TASOR: variants seen among roughly 807,000 people sequenced by gnomAD.
The protein encoded by TASOR is protein TASOR.
Under a neutral mutation model 178.6 loss-of-function variants are expected in TASOR, and 53 were observed. That is an observed-to-expected ratio of 0.30 (90% CI 0.24 to 0.37). The LOEUF is 0.37. Among genes scored for constraint, TASOR ranks in the 10% least tolerant of loss-of-function variants. TASOR has a pLI of 1.00. For missense variants in TASOR, 1,815 were observed against 1,971.4 expected, an observed-to-expected ratio of 0.92 and a Z score of 1.50; for synonymous variants, 713 against 696.2, an observed-to-expected ratio of 1.02 and a Z score of -0.38.
chr3:56,680,748 T>C (rs1388063446), intron 1 of TASOR, among the ~76,000 whole-genome samples: 1 of 152,112 alleles, frequency 6.6e-6, no homozygotes, highest in African/African-American at 2.4e-5. Flanking sequence ...TATAAATAAT[T>C]ACACAAGTTA....
At chr3:56,681,399 A>G (rs2031771892) in intron 1 of TASOR, among the ~76,000 whole-genome samples, 1 of 152,336 alleles carries the variant, frequency 6.6e-6, no homozygotes, top group Non-Finnish European at 1.5e-5. Context: ...ATTTCTAGAA[A>G]CATTCCTCAT....
rs766651253 is a variant in TASOR, at chr3:56,663,527, C to CATAA, written c.1054+10_1054+13dup. Reference sequence around the variant, plus strand: ...CTTTCCATTTATAAAACTAAAGAAACATAAATCTCTTACCTATGTTTCTAT... The same window carrying CATAA: ...CTTTCCATTTATAAAACTAAAGAAACATAAATAAATCTCTTACCTATGTTTCTAT... On this transcript the variant is annotated intron_variant, in intron 8 of 23. Transcript: ENST00000683822. The CATAA allele has an allele frequency of 9.0e-7, 1 of 1,105,912 alleles. No individual in the cohort carries two copies. The highest frequency in any genetic ancestry group is 1.6e-5 in the South Asian group (1 of 63,420). The allele number at this position is 1,105,912 out of a possible 1,614,324, so 68.5% of individuals were successfully genotyped here. A position where few individuals can be genotyped will look rare whatever the true frequency, so the allele number is the denominator to read the frequency against.
Position 56,660,834 on chromosome 3 carries a change from A to T in TASOR, c.1265T>A (p.Val422Asp). The T allele has an allele frequency of 6.2e-7, 1 of 1,613,294 alleles. No homozygotes were observed. Among genetic ancestry groups the T allele is most frequent in the Non-Finnish European group, 8.5e-7 (1 of 1,179,774 alleles). Reference sequence around the variant, plus strand: ...GCTGCAATACATTCCATTCTTCAAAACTGACATAAGAAAAATACATAGTAA... The same window carrying T: ...GCTGCAATACATTCCATTCTTCAAATCTGACATAAGAAAAATACATAGTAA... ...YKETYLGPNE[V>D]LKNGMYCSLY... The change falls in exon 11 of 24, where the codon GTT (valine) becomes GAT (aspartate). Residue 422 changes from valine (V) to aspartate (D), a missense_variant and splice_region_variant. Val to Asp is a radical substitution (Grantham distance 152). Around this residue, in one of 5 missense-constraint regions of TASOR, gnomAD observed 504 missense variants for 645.3 expected, o/e 0.78. Transcript: ENST00000683822.
rs1578176409 is a variant in TASOR at position 56,623,341 on chromosome 3, T to C, written c.4709A>G (p.Glu1570Gly). 2 of 1,613,628 alleles carry C rather than the reference T, an allele frequency of 1.2e-6. No homozygotes were observed. The highest frequency in any genetic ancestry group is 4.5e-5 in the East Asian group (2 of 44,842). The part of the protein sequence containing the change: ...LEDKTYLDSE[E>G]RTSIDIVCSE... ...GCATACTATATCAATAGAAGTTCTC[T>C]CTTCAGAATCAAGGTAAGTCTTATC... Residue 1570 changes from glutamate (E) to glycine (G), a missense_variant, in exon 24 of 24, where the codon GAG becomes GGG. By Grantham distance (98) the Glu-to-Gly change is moderately conservative. Coordinates refer to ENST00000683822, the MANE Select transcript of TASOR (RefSeq NM_001365635.2).
Position 56,647,008 on chromosome 3 carries a change from G to A in TASOR, c.1729C>T (p.Pro577Ser), listed in dbSNP as rs1293289558. 1 of 1,603,180 alleles carries A rather than the reference G, an allele frequency of 6.2e-7. No homozygotes were observed. The highest frequency in any genetic ancestry group is 1.8e-5 in the Admixed American group (1 of 56,876). The stretch of plus-strand genomic sequence containing the variant: ...TTATCATCTAATCGTGAATCATATG[G>A]AAACATAATAAACTCTCGTTTACCT... The part of the protein sequence containing the change: ...GSGKREFIMF[P>S]YDSRLDDKKF... The change falls in exon 14 of 24, where the codon CCA (proline) becomes TCA (serine). Residue 577 changes from proline to serine, a missense_variant. Coordinates refer to ENST00000683822, the MANE Select transcript of TASOR (RefSeq NM_001365635.2).
chr3:56,643,388 C>T (rs1236891306), intron 14 of TASOR, among the ~76,000 whole-genome samples: 1 of 151,890 alleles, frequency 6.6e-6, no homozygotes, highest in Non-Finnish European at 1.5e-5. Context: ...TTAAAAGTTA[C>T]AAGGGGTGGT....
intron 18 of TASOR, 22 bp downstream of exon 18, chr3:56,633,022 T>C (rs758192423): frequency 1.3e-6 from 2 of 1,518,940 alleles, no homozygotes; most frequent in African/African-American, 2.8e-5. Flanking sequence ...ACAGCATTAC[T>C]ATTACCTTCT....
At chr3:56,676,177 T>C (rs2031279545) in intron 1 of TASOR, among the ~76,000 whole-genome samples, 1 of 152,206 alleles carries the variant, frequency 6.6e-6, no homozygotes, top group Non-Finnish European at 1.5e-5. Context: ...ATTACTCGTG[T>C]TTCCCACATC....
chr3:56,633,921 T>C lies in TASOR; in HGVS notation c.2870A>G (p.Glu957Gly), dbSNP rs1383384882. ...EEQLVCVPPQ[E>G]AFPNDPRVIN... ...TACCCGGGGGTCGTTAGGAAAGGCC[T>C]CCTGTGGTGGCACACACACCAGTTG... The change falls in exon 18 of 24, where the codon GAG (glutamate) becomes GGG (glycine). Residue 957 changes from glutamate to glycine, a missense_variant. Coordinates refer to ENST00000683822, the MANE Select transcript of TASOR (RefSeq NM_001365635.2). 1 of 1,560,842 alleles carries C rather than the reference T, an allele frequency of 6.4e-7. No individual in the cohort carries two copies. The highest frequency in any genetic ancestry group is 8.7e-7 in the Non-Finnish European group (1 of 1,151,918).
At chr3:56,627,540 A>T in intron 20 of TASOR, 42 bp downstream of exon 20, 1 of 1,599,818 alleles carries the variant, frequency 6.3e-7, no homozygotes, top group African/African-American at 1.3e-5. Flanking sequence ...AAAGTATGAG[A>T]GTCAGAAGAG....
intron 17 of TASOR, 144 bp from the exon 18 acceptor site, chr3:56,634,110 T>G: frequency 1.4e-6 from 1 of 698,894 alleles, no homozygotes; most frequent in Non-Finnish European, 2.3e-6. Flanking sequence ...CCTAAAATTC[T>G]GGTATGAATT....
chr3:56,633,748 C>T lies in TASOR; in HGVS notation c.3043G>A (p.Glu1015Lys), dbSNP rs142269531. 2.5e-5 allele frequency: 41 copies of T among 1,614,022 alleles called. 1 individual carries two copies. The highest frequency in any genetic ancestry group is 1.2e-4 in the South Asian group (11 of 91,086). ...CCTAACACTGTCCTCTCTGTGGTTT[C>T]GCTCACTGCAGGCGGCTCTGCCTCT... ...AAEAEPPAVSETTERTVLGEY... is the reference protein window; with the variant it reads ...AAEAEPPAVSKTTERTVLGEY... The change falls in exon 18 of 24, where the codon GAA becomes AAA. Residue 1015 changes from glutamate (E) to lysine (K), a missense_variant. By Grantham distance (56) the Glu-to-Lys change is moderately conservative. Transcript: ENST00000683822.
intron 11 of TASOR, among the ~76,000 whole-genome samples, chr3:56,652,219 G>A (rs1344190019): frequency 6.6e-6 from 1 of 152,194 alleles, no homozygotes; most frequent in Non-Finnish European, 1.5e-5. Flanking sequence ...TCGGGAATTA[G>A]ATAGTGTTGA....
rs1195296921 is a variant in TASOR, at chr3:56,623,581, C to A, written c.4484-15G>T. On this transcript the variant is annotated splice_polypyrimidine_tract_variant and intron_variant, in intron 23 of 23. Coordinates refer to ENST00000683822, the MANE Select transcript of TASOR (RefSeq NM_001365635.2). ...TTCTAAAAGAGCTACATTTAAAAAACAAAAAGTCCTCCTCTATTGAAATAC... is the reference window on the plus strand; with the variant it reads ...TTCTAAAAGAGCTACATTTAAAAAAAAAAAAGTCCTCCTCTATTGAAATAC... 1.3e-6 allele frequency: 2 copies of A among 1,554,916 alleles called. No homozygotes were observed. Among genetic ancestry groups the A allele is most frequent in the Non-Finnish European group, 1.7e-6 (2 of 1,160,566 alleles).
At chr3:56,645,693 A>T (rs1006750110) in intron 14 of TASOR, among the ~76,000 whole-genome samples, 1 of 152,222 alleles carries the variant, frequency 6.6e-6, no homozygotes, top group South Asian at 2.1e-4. Context: ...AAAGGAAAAA[A>T]GAACAACAAA....
chr3:56,672,238 C>T (rs1412925779), intron 2 of TASOR, among the ~76,000 whole-genome samples: 1 of 152,124 alleles, frequency 6.6e-6, no homozygotes, highest in Non-Finnish European at 1.5e-5. Flanking sequence ...AATAGATATG[C>T]ATTTAAAATA....
intron 4 of TASOR, 130 bp from the exon 5 acceptor site, chr3:56,669,921 C>CAGTT: frequency 1.1e-6 from 1 of 883,006 alleles, no homozygotes; most frequent in Non-Finnish European, 1.7e-6. Flanking sequence ...AAAGATAAAA[C>CAGTT]TGATCTTACA....
intron 7 of TASOR, 44 bp downstream of exon 7, chr3:56,666,216 T>C (rs900675374): frequency 5.5e-6 from 8 of 1,463,032 alleles, no homozygotes; most frequent in Non-Finnish European, 7.2e-6. Flanking sequence ...GGATCTGTAG[T>C]AGAATTATCA....
intron 21 of TASOR, among the ~76,000 whole-genome samples, chr3:56,625,529 C>T (rs1287852014): frequency 6.6e-6 from 1 of 152,112 alleles, no homozygotes; most frequent in Non-Finnish European, 1.5e-5. Flanking sequence ...TGCCTGTAAT[C>T]CGAACTACTT....
Sources: gnomAD v4.1 joint callset for allele counts (sites outside exome capture counted in the v4.1 genomes callset) on GRCh38, gnomAD v4.1.1 for gene constraint, gnomAD v4.1.1 regional missense constraint, MANE v1.5 for transcripts, NCBI Gene and HGNC (gene_info 2026-07-23, HGNC 2026-07-21) for gene names.